The following MAF variants were observed in gnomAD, a reference collection of about 807,000 sequenced individuals.
MAF encodes the protein MAF bZIP transcription factor.
A neutral mutation model predicts 22.0 loss-of-function variants in MAF; 10 were observed. The ratio of observed to expected loss-of-function variants is 0.45; its 90% CI spans 0.28 to 0.77. The LOEUF (loss-of-function observed/expected upper bound fraction) is 0.77. Among genes scored for constraint, MAF ranks in the 30% least tolerant of loss-of-function variants. The pLI is 0.12. For synonymous variants in MAF, 337 were observed against 255.8 expected (o/e 1.32, Z -3.03); for missense variants, 544 against 548.4 (o/e 0.99, Z 0.08).
At chr16:79,452,889 T>A in the MAF span, among the ~76,000 whole-genome samples, 1 of 152,180 alleles carries the variant, frequency 6.6e-6, no homozygotes, top group Non-Finnish European at 1.5e-5. Context: ...TGCCCCTGGA[T>A]CAACACTTGG....
chr16:79,477,423 T>C, the MAF span, among the ~76,000 whole-genome samples: 1 of 152,174 alleles, frequency 6.6e-6, no homozygotes, highest in Non-Finnish European at 1.5e-5. Flanking sequence ...TCCACGAGCC[T>C]GGCTGTCTTG....
the MAF span, among the ~76,000 whole-genome samples, chr16:79,525,617 C>G: frequency 6.6e-6 from 1 of 152,114 alleles, no homozygotes; most frequent in Non-Finnish European, 1.5e-5. Flanking sequence ...ACGCTGCGTA[C>G]TTTTTATTGC....
the MAF span, among the ~76,000 whole-genome samples, chr16:79,306,651 A>G: frequency 6.6e-6 from 1 of 152,198 alleles, no homozygotes; most frequent in Admixed American, 6.5e-5. Flanking sequence ...GTCACACTCT[A>G]AGTGCTCAGT....
At chr16:79,483,675 G>A in the MAF span, among the ~76,000 whole-genome samples, 426 of 152,260 alleles carry the variant, frequency 2.8e-3, 2 homozygotes, top group Non-Finnish European at 4.6e-3. Flanking sequence ...AGAAGAGGGA[G>A]GTTAAGGGTT....
the MAF span, among the ~76,000 whole-genome samples, chr16:79,258,895 G>C: frequency 1.3e-5 from 2 of 152,150 alleles, no homozygotes; most frequent in Non-Finnish European, 2.9e-5. Flanking sequence ...GTGCGACTAG[G>C]GGAGGGAGGG....
chr16:79,430,866 A>T, the MAF span, among the ~76,000 whole-genome samples: 1 of 152,298 alleles, frequency 6.6e-6, no homozygotes, highest in South Asian at 2.1e-4. Context: ...CTCTGCTGTC[A>T]AACATTTTAG....
chr16:79,395,541 C>T, the MAF span, among the ~76,000 whole-genome samples: 2 of 152,088 alleles, frequency 1.3e-5, no homozygotes, highest in Non-Finnish European at 1.5e-5. Context: ...CAGAGAGGCA[C>T]TGAGGGGCAG....
In MAF at chr16:79,600,023, C is replaced by A; in HGVS notation, c.-121G>T. The A allele has an allele frequency of 7.0e-7, 1 of 1,426,870 alleles. No individual in the cohort carries two copies. Among genetic ancestry groups the A allele is most frequent in the Non-Finnish European group, 9.5e-7 (1 of 1,048,710 alleles). 88.4% of individuals were successfully genotyped at this position (1,426,870 alleles called of 1,614,324 possible). ...GCTTGCCGGGCTGGGGCGCTTCTAG[C>A]TTGCGCGGCGGTGGCTGGCCCGAAA... is the stretch of plus-strand genomic sequence containing the variant. On this transcript the variant is annotated 5_prime_UTR_variant, in exon 1 of 2. Coordinates refer to ENST00000326043, the MANE Select transcript of MAF (RefSeq NM_005360.5).
chr16:79,371,547 G>C, the MAF span, among the ~76,000 whole-genome samples: 1 of 152,110 alleles, frequency 6.6e-6, no homozygotes, highest in Admixed American at 6.5e-5. Flanking sequence ...TCGCCTTCTA[G>C]GCACACTGGA....
At chr16:79,470,170 A>G in the MAF span, among the ~76,000 whole-genome samples, 1 of 152,228 alleles carries the variant, frequency 6.6e-6, no homozygotes, top group Non-Finnish European at 1.5e-5. Context: ...AAATGTCCCA[A>G]TAGATCACAT....
At chr16:79,439,354 C>T in the MAF span, among the ~76,000 whole-genome samples, 21 of 151,152 alleles carry the variant, frequency 1.4e-4, no homozygotes, top group Middle Eastern at 6.8e-3. Context: ...CTCTGCCTCC[C>T]GGGTTCATGC....
At chr16:79,244,974 C>T in the MAF span, among the ~76,000 whole-genome samples, 38 of 152,002 alleles carry the variant, frequency 2.5e-4, no homozygotes, top group African/African-American at 9.2e-4. Context: ...GGAAAGGTTT[C>T]CCTATTTGAT....
chr16:79,533,950 A>G, the MAF span, among the ~76,000 whole-genome samples: 47,517 of 152,146 alleles, frequency 0.31, 8,295 homozygotes, highest in East Asian at 0.49. Flanking sequence ...GGGCAAGGAA[A>G]GCCTGGGAAA....
chr16:79,244,276 G>A, the MAF span, among the ~76,000 whole-genome samples: 1 of 152,030 alleles, frequency 6.6e-6, no homozygotes, highest in Non-Finnish European at 1.5e-5. Context: ...GAGTCAAATT[G>A]TCTCTGTTTG....
In MAF at chr16:79,595,076, C is replaced by G. The variant is rs75635808; in HGVS notation, c.1119-523G>C. The G allele has an allele frequency of 5.7e-3, 5,938 of 1,045,492 alleles. 20 individuals carry two copies. The highest frequency in any genetic ancestry group is 6.6e-3 in the Non-Finnish European group (5,696 of 867,144). The allele number at this position is 1,045,492 out of a possible 1,614,324, so 64.8% of individuals were successfully genotyped here. Reference sequence around the variant, plus strand: ...GATGCTTTTTTGTTAAAAGCATTCTCTCCATTTCTGCTTCTTCAGAGTTTG... The same window carrying G: ...GATGCTTTTTTGTTAAAAGCATTCTGTCCATTTCTGCTTCTTCAGAGTTTG... On this transcript the variant is annotated intron_variant, in intron 1 of 1. Transcript: ENST00000326043.
chr16:79,585,863 C>T, exon 2 of MAF: 1 of 623,740 alleles, frequency 1.6e-6, no homozygotes, highest in Non-Finnish European at 2.8e-6. Context: ...ACATGCAAAT[C>T]AAAAATCAAG....
the MAF span, among the ~76,000 whole-genome samples, chr16:79,556,654 G>A: frequency 6.6e-6 from 1 of 152,174 alleles, no homozygotes; most frequent in African/African-American, 2.4e-5. Flanking sequence ...TTTAAAAAAT[G>A]TCTCTCTCTT....
chr16:79,493,986 C>G, the MAF span, among the ~76,000 whole-genome samples: 2 of 151,778 alleles, frequency 1.3e-5, no homozygotes, highest in Non-Finnish European at 2.9e-5. Context: ...TTCAAAAAAC[C>G]CACGATTTAT....
chr16:79,524,674 G>A, the MAF span, among the ~76,000 whole-genome samples: 1 of 152,122 alleles, frequency 6.6e-6, no homozygotes, highest in Non-Finnish European at 1.5e-5. Context: ...CTACTTCTTT[G>A]GAGAAACACA....
Sources: gnomAD v4.1 joint callset for allele counts (sites outside exome capture counted in the v4.1 genomes callset) on GRCh38, gnomAD v4.1.1 for gene constraint, MANE v1.5 for transcripts, NCBI Gene and HGNC (gene_info 2026-07-23, HGNC 2026-07-21) for gene names.